Variants in PRKCA observed in about 807,000 individuals in gnomAD.
PRKCA encodes protein kinase C alpha type.
PRKCA carries 27 observed loss-of-function variants against 87.0 expected under a neutral mutation model. The observed-to-expected ratio is 0.31, with a 90% CI of 0.23 to 0.43. PRKCA has a LOEUF of 0.43. PRKCA is among the 20% of genes least tolerant of loss of function. PRKCA has a pLI of 1.00. For missense variants in PRKCA, 518 were observed against 852.3 expected, an observed-to-expected ratio of 0.61 and a Z score of 4.88; for synonymous variants, 329 against 311.1, an observed-to-expected ratio of 1.06 and a Z score of -0.61.
At chr17:66,319,931 A>G (rs1344604476) in intron 2 of PRKCA, among the ~76,000 whole-genome samples, 2 of 152,018 alleles carry the variant, frequency 1.3e-5, no homozygotes, top group Non-Finnish European at 2.9e-5. Context: ...TTTAGTAGAG[A>G]CAGGGTTTCG....
At chr17:66,753,547 A>G (rs1356659495) in intron 13 of PRKCA, among the ~76,000 whole-genome samples, 1 of 152,194 alleles carries the variant, frequency 6.6e-6, no homozygotes, top group Non-Finnish European at 1.5e-5. Context: ...TGAATTCTTA[A>G]GTCAAACTTG....
At chr17:66,477,625 G>A (rs1010725201) in intron 2 of PRKCA, among the ~76,000 whole-genome samples, 8 of 152,154 alleles carry the variant, frequency 5.3e-5, no homozygotes, top group Non-Finnish European at 5.9e-5. Context: ...GCTTGAACCT[G>A]GGAGACGGAG....
chr17:66,438,108 G>A (rs948718009), intron 2 of PRKCA, among the ~76,000 whole-genome samples: 10 of 152,136 alleles, frequency 6.6e-5, no homozygotes, highest in African/African-American at 2.2e-4. Context: ...GGCAGCAGAA[G>A]AGCTGAGGGG....
chr17:66,742,468 A>G (rs905132580), intron 12 of PRKCA, among the ~76,000 whole-genome samples, 154 bp from the exon 13 acceptor site: 1 of 152,202 alleles, frequency 6.6e-6, no homozygotes, highest in African/African-American at 2.4e-5. Flanking sequence ...GAAGATATCA[A>G]CACACATTGA....
intron 3 of PRKCA, among the ~76,000 whole-genome samples, chr17:66,562,151 A>T (rs865793035): frequency 8.2e-5 from 7 of 85,136 alleles, no homozygotes; most frequent in South Asian, 3.9e-4. Context: ...ATATATAATT[A>T]AATTATATAT....
Position 66,641,360 on chromosome 17 carries a change from C to T in PRKCA, c.294C>T (p.Pro98=), listed in dbSNP as rs868655294. Residue 98 remains proline, a synonymous_variant, in exon 4 of 17, where the codon CCC becomes CCT. Coordinates refer to ENST00000413366, the MANE Select transcript of PRKCA (RefSeq NM_002737.3). ...TGTGCTTCTTCTCCTCCCAGGACCC[C>T]AGGAGCAAGCACAAGTTCAAAATCC... ...GADKGPDTDD[P]RSKHKFKIHT... The T allele has an allele frequency of 1.9e-6, 3 of 1,611,376 alleles. No homozygotes were observed. The highest frequency in any genetic ancestry group is 2.5e-6 in the Non-Finnish European group (3 of 1,178,152).
At chr17:66,687,945 T>G (rs887258826) in intron 6 of PRKCA, among the ~76,000 whole-genome samples, 2 of 152,188 alleles carry the variant, frequency 1.3e-5, no homozygotes, top group Non-Finnish European at 2.9e-5. Context: ...CAAGCTCTGC[T>G]CTATAAAGGA....
chr17:66,661,882 A>G (rs542449061), intron 5 of PRKCA, among the ~76,000 whole-genome samples: 1 of 152,282 alleles, frequency 6.6e-6, no homozygotes, highest in Non-Finnish European at 1.5e-5. Context: ...ATTTTGAGCC[A>G]TTGGCCTTAA....
At chr17:66,525,011 C>T (rs1429076108) in intron 3 of PRKCA, among the ~76,000 whole-genome samples, 1 of 152,214 alleles carries the variant, frequency 6.6e-6, no homozygotes, top group East Asian at 1.9e-4. Flanking sequence ...ATGTCTATTT[C>T]TCTACTCCTG....
At chr17:66,320,961 T>C (rs1026226340) in intron 2 of PRKCA, among the ~76,000 whole-genome samples, 9 of 152,222 alleles carry the variant, frequency 5.9e-5, no homozygotes, top group Admixed American at 5.9e-4. Flanking sequence ...ATCCTTAAAA[T>C]TGAAATTATT....
At chr17:66,794,396 C>T (rs932584868) in intron 16 of PRKCA, among the ~76,000 whole-genome samples, 2 of 151,820 alleles carry the variant, frequency 1.3e-5, no homozygotes, top group Admixed American at 6.6e-5. Flanking sequence ...TTCCCAGTGC[C>T]ATTAGCTTGT....
chr17:66,427,825 TAAAAG>T (rs1428003228), intron 2 of PRKCA, among the ~76,000 whole-genome samples: 3 of 152,188 alleles, frequency 2.0e-5, no homozygotes, highest in African/African-American at 7.2e-5. Flanking sequence ...TGGCATAAAT[TAAAAG>T]AAATGTTTCA....
In PRKCA at chr17:66,639,147, C is replaced by T. The variant is rs375126570; in HGVS notation, c.289-2208C>T. 8 of 152,400 alleles carry T rather than the reference C, an allele frequency of 5.2e-5. No homozygotes were observed. The East Asian group carries it at 1.3e-3, about 26-fold the overall frequency. 9.4% of individuals were successfully genotyped at this position (152,400 alleles called of 1,614,324 possible). A position where few individuals can be genotyped will look rare whatever the true frequency, so the allele number is the denominator to read the frequency against. On this transcript the variant is annotated intron_variant, in intron 3 of 16. Transcript: ENST00000413366. ...TCTTGCTTAATTCAGTGGATGGCCA[C>T]TCTGCCTTTGCAGCTGCTCAGGCCA...
chr17:66,392,625 G>A (rs1200463154), intron 2 of PRKCA, among the ~76,000 whole-genome samples: 7 of 152,134 alleles, frequency 4.6e-5, no homozygotes, highest in Admixed American at 3.9e-4. Flanking sequence ...CAGAGGGGCC[G>A]TGTAGACCAG....
intron 3 of PRKCA, among the ~76,000 whole-genome samples, chr17:66,575,824 C>G (rs1969222459): frequency 1.3e-5 from 2 of 151,880 alleles, no homozygotes; most frequent in Admixed American, 6.6e-5. Flanking sequence ...GTACATAAAA[C>G]TTAGAAACAG....
intron 2 of PRKCA, among the ~76,000 whole-genome samples, chr17:66,491,692 C>G (rs1916252348): frequency 6.6e-6 from 1 of 152,206 alleles, no homozygotes; most frequent in African/African-American, 2.4e-5. Context: ...CCAGGCAAAC[C>G]TAATGCATCC....
chr17:66,506,294 TA>T (rs5821520), intron 3 of PRKCA, among the ~76,000 whole-genome samples: 21,143 of 140,834 alleles, frequency 0.15, 1,699 homozygotes, highest in East Asian at 0.31. Flanking sequence ...AGACCCCGTC[TA>T]AAAAAAAAAA....
In PRKCA at chr17:66,332,112, A is replaced by G. The variant is rs141181512; in HGVS notation, c.205+25985A>G. Among the ~76,000 whole-genome samples, 1,275 of 152,158 alleles carry G rather than the reference A, an allele frequency of 8.4e-3. 12 individuals carry two copies. Among genetic ancestry groups the G allele is most frequent in the Admixed American group, 0.011 (171 of 15,284 alleles). On this transcript the variant is annotated intron_variant, in intron 2 of 16. Coordinates refer to ENST00000413366, the MANE Select transcript of PRKCA (RefSeq NM_002737.3). Reference sequence around the variant, plus strand: ...TTTTACCCCATTCATAATAGGATGTATAAAAGTAATACCTCTTGGAATAGA... The same window carrying G: ...TTTTACCCCATTCATAATAGGATGTGTAAAAGTAATACCTCTTGGAATAGA...
rs1970677167 is a variant in PRKCA, at chr17:66,621,406, C to T, written c.289-19949C>T. Among the ~76,000 whole-genome samples, 3 of 152,134 alleles carry T rather than the reference C, an allele frequency of 2.0e-5. No individual in the cohort carries two copies. In the South Asian group the frequency reaches 6.2e-4, roughly 32 times the overall value. On this transcript the variant is annotated intron_variant, in intron 3 of 16. Transcript: ENST00000413366. ...CAAGGATCTAGAAACCCTATTTCCT[C>T]GTATTCTTTGTGTTTAAAAACATAC...
Sources: allele counts gnomAD v4.1 joint callset (sites outside exome capture counted in the v4.1 genomes callset), GRCh38; gene constraint gnomAD v4.1.1; transcripts MANE v1.5; gene names NCBI Gene and HGNC (gene_info 2026-07-23, HGNC 2026-07-21).